Variants in LRFN4 observed in about 807,000 individuals in gnomAD.
LRFN4 encodes the protein leucine-rich repeat and fibronectin type-III domain-containing protein 4.
LRFN4 carries 10 observed loss-of-function variants against 29.0 expected under a neutral mutation model. The ratio of observed to expected loss-of-function variants is 0.35; its 90% CI spans 0.21 to 0.59. The LOEUF is 0.59. LRFN4 is among the 20% of genes least tolerant of loss of function. The pLI, the probability that LRFN4 is intolerant of heterozygous loss-of-function variation, is 0.82. For missense variants in LRFN4, 850 were observed against 907.9 expected (o/e 0.94, Z 0.82); for synonymous variants, 493 against 437.0 (o/e 1.13, Z -1.60).
chr11:66,858,954 G>A lies in LRFN4; in HGVS notation c.1210G>A (p.Glu404Lys), dbSNP rs1426791277. The A allele has an allele frequency of 2.5e-6, 4 of 1,577,514 alleles. No individual in the cohort carries two copies. Reference protein sequence around the residue: ...RTAAEGEGTLESEPAVQVTEV... With the variant: ...RTAAEGEGTLKSEPAVQVTEV... ...TGCTGCCGAGGGTGAGGGGACGCTG[G>A]AGTCTGAGCCAGCCGTGCAGGTGAC... The change falls in exon 1 of 2, where the codon GAG (glutamate) becomes AAG (lysine). Residue 404 changes from glutamate (E) to lysine (K), a missense_variant. Physicochemically the swap from Glu to Lys is moderately conservative, Grantham distance 56. Around this residue, in one of 2 missense-constraint regions of LRFN4, gnomAD observed 744 missense variants for 753.8 expected, o/e 0.99. Transcript: ENST00000309602. The surrounding 1 kb of genome is among the most constrained non-coding windows in gnomAD (Gnocchi z 5.9).
At position 66,857,492 on chromosome 11, in the gene LRFN4, C is replaced by G; in HGVS notation, c.-253C>G. ...CTCGGTCCTCCTCCGCTTCCTGCCT[C>G]ATGCCTCACCTTGTCCCCAGCGCCT... On this transcript the variant is annotated 5_prime_UTR_variant, in exon 1 of 2. Transcript: ENST00000309602. The surrounding 1 kb of genome is among the most constrained non-coding windows in gnomAD (Gnocchi z 7.1). 1 of 472,184 alleles carries G rather than the reference C, an allele frequency of 2.1e-6. No homozygotes were observed. Among genetic ancestry groups the G allele is most frequent in the Non-Finnish European group, 3.7e-6 (1 of 268,624 alleles). 29.2% of individuals were successfully genotyped at this position (472,184 alleles called of 1,614,324 possible).
rs1946034122 is a variant in LRFN4 at position 66,858,659 on chromosome 11, G to A, written c.915G>A (p.Leu305=). 7.1e-6 allele frequency: 11 copies of A among 1,543,170 alleles called. No individual in the cohort carries two copies. Among genetic ancestry groups the A allele is most frequent in the Admixed American group, 2.0e-5 (1 of 51,050 alleles). The change falls in exon 1 of 2, where the codon CTG becomes CTA. Residue 305 remains leucine, a synonymous_variant. Transcript: ENST00000309602. The surrounding 1 kb of genome is among the most constrained non-coding windows in gnomAD (Gnocchi z 5.9). The part of the protein sequence containing the change: ...GQRATLRCRA[L]GDPAPTMHWV... ...GGGCCACGCTGCGGTGCCGGGCCCT[G>A]GGTGACCCCGCGCCTACCATGCACT...
Position 66,858,363 on chromosome 11 carries a change from A to C in LRFN4, c.619A>C (p.Thr207Pro). ...RLDLTSNRLATLAPDPLFSRG... is the reference protein window; with the variant it reads ...RLDLTSNRLAPLAPDPLFSRG... ...GGACCTCACCTCCAACCGCCTGGCC[A>C]CGCTGGCTCCGGACCCGCTTTTCTC... Residue 207 changes from threonine to proline, a missense_variant, in exon 1 of 2, where the codon ACG becomes CCG. Thr to Pro is a conservative substitution (Grantham distance 38). Coordinates refer to ENST00000309602, the MANE Select transcript of LRFN4 (RefSeq NM_024036.5). The surrounding 1 kb of genome is among the most constrained non-coding windows in gnomAD (Gnocchi z 5.9). 6.3e-7 allele frequency: 1 copy of C among 1,593,358 alleles called. No individual in the cohort carries two copies. Among genetic ancestry groups the C allele is most frequent in the Non-Finnish European group, 8.5e-7 (1 of 1,173,870 alleles).
Position 66,858,164 on chromosome 11 carries a change from C to T in LRFN4, c.420C>T (p.Phe140=). ...NQLGRIAPGA[F]DDFLESLEDL... ...TGGGCCGCATCGCGCCGGGAGCCTT[C>T]GACGACTTCCTAGAGAGCCTGGAGG... The change falls in exon 1 of 2, where the codon TTC becomes TTT. Residue 140 remains phenylalanine, a synonymous_variant. Transcript: ENST00000309602. The surrounding 1 kb of genome is among the most constrained non-coding windows in gnomAD (Gnocchi z 5.9). The T allele has an allele frequency of 6.2e-7, 1 of 1,610,848 alleles. No homozygotes were observed. The highest frequency in any genetic ancestry group is 8.5e-7 in the Non-Finnish European group (1 of 1,178,834).
chr11:66,858,012 C>T lies in LRFN4; in HGVS notation c.268C>T (p.Arg90Cys), dbSNP rs1047561616. The change falls in exon 1 of 2, where the codon CGC (arginine) becomes TGC (cysteine). Residue 90 changes from arginine to cysteine, a missense_variant. Arg to Cys is a radical substitution (Grantham distance 180). Coordinates refer to ENST00000309602, the MANE Select transcript of LRFN4 (RefSeq NM_024036.5). The surrounding 1 kb of genome is among the most constrained non-coding windows in gnomAD (Gnocchi z 5.9). ...CAATGCCATCACCCGCATTGGGGCC[C>T]GCGCCTTTGGGGACCTCGAGAGCCT... ...SRNAITRIGA[R>C]AFGDLESLRS... is the part of the protein sequence containing the mutation. The T allele has an allele frequency of 1.2e-6, 2 of 1,612,286 alleles. No homozygotes were observed. Among genetic ancestry groups the T allele is most frequent in the Non-Finnish European group, 1.7e-6 (2 of 1,179,946 alleles).
rs749776813 is a variant in LRFN4, at chr11:66,857,862, C to A, written c.118C>A (p.Leu40Met). The change falls in exon 1 of 2, where the codon CTG (leucine) becomes ATG (methionine). Residue 40 changes from leucine (L) to methionine (M), a missense_variant. Leu to Met is a conservative substitution (Grantham distance 15). Around this residue, in one of 2 missense-constraint regions of LRFN4, gnomAD observed 106 missense variants for 154.2 expected, o/e 0.69. Coordinates refer to ENST00000309602, the MANE Select transcript of LRFN4 (RefSeq NM_024036.5). The surrounding 1 kb of genome is among the most constrained non-coding windows in gnomAD (Gnocchi z 7.1). ...CACCCTCTGTGCCCACCGAGGCCTG[C>A]TGTTTGTGCCGCCCAACGTGGACCG... Reference protein sequence around the residue: ...LSTLCAHRGLLFVPPNVDRRT... With the variant: ...LSTLCAHRGLMFVPPNVDRRT... 6.2e-7 allele frequency: 1 copy of A among 1,609,856 alleles called. No individual in the cohort carries two copies. The highest frequency in any genetic ancestry group is 2.2e-5 in the East Asian group (1 of 44,868).
In LRFN4 at chr11:66,859,544, G is replaced by A. The variant is rs542518914; in HGVS notation, c.1350-93G>A. ...CCAAGAGCCCGAGTGGCCCCAGGGG[G>A]AGGGGTGTTTGGAGCTGGGAGCACG... is the stretch of plus-strand genomic sequence containing the variant. On this transcript the variant is annotated intron_variant, in intron 1 of 1. Coordinates refer to ENST00000309602, the MANE Select transcript of LRFN4 (RefSeq NM_024036.5). The A allele has an allele frequency of 4.9e-4, 775 of 1,567,592 alleles. 8 individuals carry two copies. In the South Asian group the frequency reaches 8.6e-3, roughly 17 times the overall value.
chr11:66,859,687 G>A lies in LRFN4; in HGVS notation c.1400G>A (p.Gly467Asp), dbSNP rs910272932. 10 of 1,612,970 alleles carry A rather than the reference G, an allele frequency of 6.2e-6. No individual in the cohort carries two copies. The highest frequency in any genetic ancestry group is 8.5e-6 in the Non-Finnish European group (10 of 1,179,896). The change falls in exon 2 of 2, where the codon GGC becomes GAC. Residue 467 changes from glycine (G) to aspartate (D), a missense_variant. Physicochemically the swap from Gly to Asp is moderately conservative, Grantham distance 94. Transcript: ENST00000309602. ...HHFLLKHLVP[G>D]ADYDLCLLAL... ...TTCCTGCTGAAGCACCTCGTCCCCG[G>A]CGCTGACTATGACCTCTGCCTGCTG...
Position 66,858,300 on chromosome 11 carries a change from C to G in LRFN4, c.556C>G (p.Pro186Ala), listed in dbSNP as rs1421723710. ...LDHNLIDALPPGAFAQLGQLS... is the reference protein window; with the variant it reads ...LDHNLIDALPAGAFAQLGQLS... Reference sequence around the variant, plus strand: ...CCATAACCTTATTGACGCACTGCCCCCAGGCGCCTTCGCCCAGCTCGGTCA... The same window carrying G: ...CCATAACCTTATTGACGCACTGCCCGCAGGCGCCTTCGCCCAGCTCGGTCA... Residue 186 changes from proline to alanine, a missense_variant, in exon 1 of 2, where the codon CCA becomes GCA. Coordinates refer to ENST00000309602, the MANE Select transcript of LRFN4 (RefSeq NM_024036.5). The surrounding 1 kb of genome is among the most constrained non-coding windows in gnomAD (Gnocchi z 5.9). 4.3e-6 allele frequency: 7 copies of G among 1,611,046 alleles called. No homozygotes were observed. Among genetic ancestry groups the G allele is most frequent in the Admixed American group, 1.7e-5 (1 of 60,000 alleles).
In LRFN4 at chr11:66,857,821, T is replaced by C; in HGVS notation, c.77T>C (p.Leu26Pro). The C allele has an allele frequency of 6.2e-7, 1 of 1,603,786 alleles. No individual in the cohort carries two copies. Among genetic ancestry groups the C allele is most frequent in the Non-Finnish European group, 8.5e-7 (1 of 1,179,738 alleles). ...ACPLPCVCQNLSESLSTLCAH... is the reference protein window; with the variant it reads ...ACPLPCVCQNPSESLSTLCAH... ...CCGCTGCCCTGCGTCTGCCAGAACC[T>C]GTCCGAGTCGCTCAGCACCCTCTGT... is the stretch of plus-strand genomic sequence containing the variant. The change falls in exon 1 of 2, where the codon CTG becomes CCG. Residue 26 changes from leucine (L) to proline (P), a missense_variant. Physicochemically the swap from Leu to Pro is moderately conservative, Grantham distance 98 (BLOSUM62 -3). This residue lies in a region of LRFN4 where 106 missense variants were observed against 154.2 expected (regional missense o/e 0.69). Transcript: ENST00000309602. The surrounding 1 kb of genome is among the most constrained non-coding windows in gnomAD (Gnocchi z 7.1).
Position 66,858,575 on chromosome 11 carries a change from C to A in LRFN4, c.831C>A (p.Ser277=). The change falls in exon 1 of 2, where the codon TCC becomes TCA. Residue 277 remains serine (S), a synonymous_variant. Transcript: ENST00000309602. The surrounding 1 kb of genome is among the most constrained non-coding windows in gnomAD (Gnocchi z 5.9). ...YFWAVPEGEF[S]CEPPLIARHT... ...GGGCAGTGCCCGAGGGCGAGTTCTC[C>A]TGTGAGCCGCCCCTCATTGCCCGCC... The A allele has an allele frequency of 6.5e-7, 1 of 1,532,980 alleles. No homozygotes were observed. Among genetic ancestry groups the A allele is most frequent in the Non-Finnish European group, 8.7e-7 (1 of 1,143,914 alleles). 95.0% of individuals were successfully genotyped at this position (1,532,980 alleles called of 1,614,324 possible). A position where few individuals can be genotyped will look rare whatever the true frequency, so the allele number is the denominator to read the frequency against.
In LRFN4 at chr11:66,858,230, G is replaced by A. The variant is rs1236148212; in HGVS notation, c.486G>A (p.Trp162Ter). 1 of 1,612,350 alleles carries A rather than the reference G, an allele frequency of 6.2e-7. No individual in the cohort carries two copies. Among genetic ancestry groups the A allele is most frequent in the African/African-American group, 1.3e-5 (1 of 74,934 alleles). The change falls in exon 1 of 2, where the codon TGG becomes TGA. Residue 162 changes from tryptophan to a stop codon, truncating the protein, a stop_gained. Coordinates refer to ENST00000309602, the MANE Select transcript of LRFN4 (RefSeq NM_024036.5). LOFTEE classifies it high-confidence loss of function. The surrounding 1 kb of genome is among the most constrained non-coding windows in gnomAD (Gnocchi z 5.9). ...LSYNNLRQVP[W>*]AGIGAMPALH... ...ACAACAACCTCCGGCAGGTGCCCTG[G>A]GCCGGCATCGGCGCCATGCCTGCCC...
In LRFN4 at chr11:66,859,839, C is replaced by G; in HGVS notation, c.1552C>G (p.Leu518Val). ...GCAGGCCCACGTGCTGGGCGGGACCCTGACCGTGGCCGTGGGGGGTGTGCT... is the reference window on the plus strand; with the variant it reads ...GCAGGCCCACGTGCTGGGCGGGACCGTGACCGTGGCCGTGGGGGGTGTGCT... ...ALQAHVLGGTLTVAVGGVLVA... is the reference protein window; with the variant it reads ...ALQAHVLGGTVTVAVGGVLVA... Residue 518 changes from leucine to valine, a missense_variant, in exon 2 of 2, where the codon CTG (leucine) becomes GTG (valine). Around this residue, in one of 2 missense-constraint regions of LRFN4, gnomAD observed 744 missense variants for 753.8 expected, o/e 0.99. Transcript: ENST00000309602. 6 of 1,570,030 alleles carry G rather than the reference C, an allele frequency of 3.8e-6. No homozygotes were observed. The highest frequency in any genetic ancestry group is 5.2e-6 in the Non-Finnish European group (6 of 1,157,194).
chr11:66,857,729 C>T lies in LRFN4; in HGVS notation c.-16C>T. 1.9e-6 allele frequency: 3 copies of T among 1,582,052 alleles called. No homozygotes were observed. The highest frequency in any genetic ancestry group is 2.6e-6 in the Non-Finnish European group (3 of 1,170,134). On this transcript the variant is annotated 5_prime_UTR_variant, in exon 1 of 2. Transcript: ENST00000309602. This position sits in a 1 kb window ranked among gnomAD's most constrained non-coding sequence, Gnocchi z 7.1. ...CCTGTGCCTGGGCTGTGGCCCCTTCCTACAGGGCGCTCACCATGGCCCCGC... is the reference window on the plus strand; with the variant it reads ...CCTGTGCCTGGGCTGTGGCCCCTTCTTACAGGGCGCTCACCATGGCCCCGC...
chr11:66,859,112 C>CA lies in LRFN4; in HGVS notation c.1349+20dup. On this transcript the variant is annotated intron_variant, in intron 1 of 1. Coordinates refer to ENST00000309602, the MANE Select transcript of LRFN4 (RefSeq NM_024036.5). ...TCTACCGGTGAGGATGCGTGCCCCA[C>CA]ACCCGGCTGCACTCCCGGCGCCCTT... 4 of 1,480,436 alleles carry CA rather than the reference C, an allele frequency of 2.7e-6. No individual in the cohort carries two copies. Among genetic ancestry groups the CA allele is most frequent in the Non-Finnish European group, 3.6e-6 (4 of 1,115,936 alleles). 91.7% of individuals were successfully genotyped at this position (1,480,436 alleles called of 1,614,324 possible). A position where few individuals can be genotyped will look rare whatever the true frequency, so the allele number is the denominator to read the frequency against.
chr11:66,859,561 G>A (rs923401798), intron 1 of LRFN4, 76 bp from the exon 2 acceptor site: 15 of 1,585,336 alleles, frequency 9.5e-6, no homozygotes, highest in African/African-American at 1.3e-5. Context: ...GTTTGGAGCT[G>A]GGAGCACGGG....
rs778864483 is a variant in LRFN4, at chr11:66,860,257, C to T, written c.*62C>T. 7.8e-6 allele frequency: 12 copies of T among 1,535,332 alleles called. No homozygotes were observed. In the African/African-American group the frequency reaches 8.2e-5, roughly 11 times the overall value. On this transcript the variant is annotated 3_prime_UTR_variant, in exon 2 of 2. Coordinates refer to ENST00000309602, the MANE Select transcript of LRFN4 (RefSeq NM_024036.5). ...CCTCGTGGGGCAGAGGGCCCGGGGC[C>T]GCCGCCTGGCCTGGGAGTCCCTCCC...
Position 66,857,737 on chromosome 11 carries a change from C to T in LRFN4, c.-8C>T, listed in dbSNP as rs749735092. The T allele has an allele frequency of 1.3e-6, 2 of 1,586,072 alleles. No homozygotes were observed. The highest frequency in any genetic ancestry group is 2.7e-5 in the African/African-American group (2 of 74,632). On this transcript the variant is annotated 5_prime_UTR_variant, in exon 1 of 2. Coordinates refer to ENST00000309602, the MANE Select transcript of LRFN4 (RefSeq NM_024036.5). This position sits in a 1 kb window ranked among gnomAD's most constrained non-coding sequence, Gnocchi z 7.1. ...TGGGCTGTGGCCCCTTCCTACAGGG[C>T]GCTCACCATGGCCCCGCCGCTCCTG...
rs1265970048 is a variant in LRFN4 at position 66,858,105 on chromosome 11, A to C, written c.361A>C (p.Asn121His). Reference protein sequence around the residue: ...LGTGSLRGPVNLQHLILSGNQ... With the variant: ...LGTGSLRGPVHLQHLILSGNQ... ...CACCGGGAGCCTCCGGGGCCCCGTC[A>C]ATCTGCAGCACCTCATCCTCAGCGG... The change falls in exon 1 of 2, where the codon AAT (asparagine) becomes CAT (histidine). Residue 121 changes from asparagine (N) to histidine (H), a missense_variant. Transcript: ENST00000309602. This position sits in a 1 kb window ranked among gnomAD's most constrained non-coding sequence, Gnocchi z 5.9. 2 of 1,609,912 alleles carry C rather than the reference A, an allele frequency of 1.2e-6. No individual in the cohort carries two copies. Among genetic ancestry groups the C allele is most frequent in the Non-Finnish European group, 8.5e-7 (1 of 1,178,382 alleles).
Sources: allele counts gnomAD v4.1 joint callset, GRCh38; gene constraint gnomAD v4.1.1; regional missense constraint gnomAD v4.1.1; non-coding constraint Gnocchi (gnomAD v3.1); transcripts MANE v1.5; gene names NCBI Gene and HGNC (gene_info 2026-07-23, HGNC 2026-07-21).